Variants in GPC6 observed in about 807,000 individuals in gnomAD.
GPC6 encodes glypican-6.
GPC6 carries 14 observed loss-of-function variants against 55.2 expected under a neutral mutation model. That is an observed-to-expected ratio of 0.25 (90% CI 0.17 to 0.40). The LOEUF (loss-of-function observed/expected upper bound fraction) is 0.40. Ranked by LOEUF, GPC6 falls within the 10% of genes least tolerant of loss-of-function variation. The pLI, the probability that GPC6 is intolerant of heterozygous loss-of-function variation, is 1.00. For synonymous variants in GPC6, 278 were observed against 259.6 expected, an observed-to-expected ratio of 1.07 and a Z score of -0.68; for missense variants, 641 against 708.5, an observed-to-expected ratio of 0.90 and a Z score of 1.08.
intron 3 of GPC6, among the ~76,000 whole-genome samples, chr13:93,832,256 C>A (rs1887548671): frequency 6.7e-6 from 1 of 149,426 alleles, no homozygotes; most frequent in African/African-American, 2.5e-5. Context: ...AATATCATCA[C>A]CTGAGGACTG....
intron 1 of GPC6, among the ~76,000 whole-genome samples, chr13:93,349,476 G>C (rs1402466356): frequency 2.0e-5 from 3 of 152,058 alleles, no homozygotes; most frequent in Admixed American, 2.0e-4. Flanking sequence ...CCTAGAAAGT[G>C]CATTTTAGAT....
intron 4 of GPC6, among the ~76,000 whole-genome samples, chr13:94,060,574 A>G (rs1302368796): frequency 2.6e-5 from 4 of 152,214 alleles, no homozygotes; most frequent in African/African-American, 4.8e-5. Context: ...ATGATAAAGT[A>G]TGTACTTTAG....
intron 6 of GPC6, among the ~76,000 whole-genome samples, chr13:94,377,981 G>T (rs916128940): frequency 6.6e-5 from 10 of 152,084 alleles, no homozygotes; most frequent in Non-Finnish European, 1.2e-4. Flanking sequence ...TCACTCATAA[G>T]TGGGAATTGA....
At position 93,576,036 on chromosome 13, in the gene GPC6, A is replaced by G. The variant is rs1342147053; in HGVS notation, c.319+30615A>G. 6.6e-5 allele frequency among the ~76,000 whole-genome samples: 10 copies of G among 152,260 alleles called. No homozygotes were observed. The East Asian group carries it at 1.9e-3, about 29-fold the overall frequency. ...TTTCTTAATTATTATTATTTTTGGA[A>G]TCAAGACTTACCATTCACTTACCTT... On this transcript the variant is annotated intron_variant, in intron 2 of 8. Coordinates refer to ENST00000377047, the MANE Select transcript of GPC6 (RefSeq NM_005708.5).
chr13:93,401,838 G>A (rs1322096151), intron 1 of GPC6, among the ~76,000 whole-genome samples: 1 of 151,806 alleles, frequency 6.6e-6, no homozygotes, highest in Non-Finnish European at 1.5e-5. Context: ...CCATTAACAC[G>A]GAGCACTAGT....
chr13:94,029,509 C>T (rs1883031715), intron 4 of GPC6, among the ~76,000 whole-genome samples: 1 of 152,148 alleles, frequency 6.6e-6, no homozygotes, highest in Non-Finnish European at 1.5e-5. Flanking sequence ...CCAACTAATG[C>T]TGATAAAAAG....
chr13:94,115,874 A>C (rs552404667), intron 4 of GPC6, among the ~76,000 whole-genome samples: 1 of 152,232 alleles, frequency 6.6e-6, no homozygotes, highest in Non-Finnish European at 1.5e-5. Flanking sequence ...TTACAAAAAT[A>C]GCTTAATATT....
At chr13:93,381,101 G>C (rs1480117703) in intron 1 of GPC6, among the ~76,000 whole-genome samples, 1 of 152,028 alleles carries the variant, frequency 6.6e-6, no homozygotes, top group Non-Finnish European at 1.5e-5. Context: ...GAAACTGACT[G>C]GATTTTTTTA....
intron 3 of GPC6, among the ~76,000 whole-genome samples, chr13:93,948,730 C>G (rs976620393): frequency 6.6e-6 from 1 of 151,996 alleles, no homozygotes; most frequent in East Asian, 1.9e-4. Context: ...AATGTCATCC[C>G]CAACTCAGAT....
At chr13:93,229,403 G>A (rs369570) in intron 1 of GPC6, among the ~76,000 whole-genome samples, 111,801 of 152,054 alleles carry the variant, frequency 0.74, 41,324 homozygotes, top group Non-Finnish European at 0.78. Flanking sequence ...CAGATAAGAT[G>A]TCTCAAAGAA....
At chr13:93,735,517 T>A (rs1190363694) in intron 2 of GPC6, among the ~76,000 whole-genome samples, 1 of 133,298 alleles carries the variant, frequency 7.5e-6, no homozygotes, top group Admixed American at 7.9e-5. Flanking sequence ...CAAGACTCCA[T>A]CTCAAAAAAA....
chr13:94,084,641 C>T (rs1262592231), intron 4 of GPC6, among the ~76,000 whole-genome samples: 2 of 149,542 alleles, frequency 1.3e-5, no homozygotes, highest in African/African-American at 4.9e-5. Flanking sequence ...TTTGCGTGTC[C>T]TGAGTTGAAA....
chr13:93,750,793 T>G (rs1349817572), intron 2 of GPC6, among the ~76,000 whole-genome samples: 1 of 152,162 alleles, frequency 6.6e-6, no homozygotes, highest in East Asian at 1.9e-4. Flanking sequence ...AGGCCAGGCA[T>G]TTGGTAGCTG....
At chr13:93,779,036 C>T (rs2138904098) in intron 2 of GPC6, among the ~76,000 whole-genome samples, 1 of 152,276 alleles carries the variant, frequency 6.6e-6, no homozygotes, top group Admixed American at 6.5e-5. Context: ...CTAGATTTTG[C>T]TGTATGTTTA....
chr13:93,771,199 C>G (rs141255382), intron 2 of GPC6, among the ~76,000 whole-genome samples: 3 of 152,242 alleles, frequency 2.0e-5, no homozygotes, highest in Middle Eastern at 3.4e-3. Context: ...AAGTTGCATA[C>G]AAGGTCACAA....
intron 6 of GPC6, among the ~76,000 whole-genome samples, chr13:94,376,715 G>A (rs1360897498): frequency 6.6e-6 from 1 of 151,978 alleles, no homozygotes; most frequent in African/African-American, 2.4e-5. Context: ...AGTTCATATG[G>A]AACCAAAAAA....
intron 3 of GPC6, among the ~76,000 whole-genome samples, chr13:93,915,206 AC>A (rs1290740328): frequency 1.3e-5 from 2 of 152,180 alleles, no homozygotes; most frequent in Non-Finnish European, 2.9e-5. Flanking sequence ...ATCTTATGTC[AC>A]TAGAATTTTC....
At chr13:94,018,631 T>C (rs1259489549) in intron 3 of GPC6, among the ~76,000 whole-genome samples, 1 of 152,184 alleles carries the variant, frequency 6.6e-6, no homozygotes, top group Non-Finnish European at 1.5e-5. Flanking sequence ...GCTTTGATAG[T>C]GTTTTGTTAA....
intron 3 of GPC6, among the ~76,000 whole-genome samples, chr13:93,876,328 A>G (rs1378568171): frequency 6.6e-6 from 1 of 151,994 alleles, no homozygotes; most frequent in Non-Finnish European, 1.5e-5. Flanking sequence ...AAAAAACCTA[A>G]CTTTTGTCTT....
Sources: allele counts gnomAD v4.1 joint callset (sites outside exome capture counted in the v4.1 genomes callset), GRCh38; gene constraint gnomAD v4.1.1; transcripts MANE v1.5; gene names NCBI Gene and HGNC (gene_info 2026-07-23, HGNC 2026-07-21).